The following HIVEP1 variants were observed in gnomAD, a reference collection of about 807,000 sequenced individuals.
HIVEP1 encodes HIVEP zinc finger 1, also known as zinc finger protein 40.
In HIVEP1, 36 loss-of-function variants were observed where a neutral mutation model predicts 180.0. That is an observed-to-expected ratio of 0.20 (90% CI 0.15 to 0.26). The LOEUF (loss-of-function observed/expected upper bound fraction) is 0.26, where lower values mean the gene tolerates loss of function less well. Among genes scored for constraint, HIVEP1 ranks in the 10% least tolerant of loss-of-function variants. The probability of loss-of-function intolerance (pLI) is 1.00; values close to 1 mark genes in which losing one functional copy is unlikely to be tolerated. For synonymous variants in HIVEP1, 1,239 were observed against 1,239.0 expected (o/e 1.00, Z 0.00); for missense variants, 3,143 against 3,268.7 (o/e 0.96, Z 0.94).
the HIVEP1 span, among the ~76,000 whole-genome samples, chr6:12,207,843 G>A: frequency 6.6e-6 from 1 of 150,774 alleles, no homozygotes; most frequent in African/African-American, 2.4e-5. Flanking sequence ...TGAGCCCCAG[G>A]GGGTCAAGGC....
At chr6:12,143,288 A>T (rs929178671) in intron 7 of HIVEP1, among the ~76,000 whole-genome samples, 1 of 152,250 alleles carries the variant, frequency 6.6e-6, no homozygotes, top group African/African-American at 2.4e-5. Context: ...CAAAAACCAC[A>T]TGATTATCTC....
downstream of HIVEP1, among the ~76,000 whole-genome samples, chr6:12,168,203 C>CATAT (rs374732967): frequency 0.045 from 4,432 of 98,228 alleles, 422 homozygotes; most frequent in South Asian, 0.12. Flanking sequence ...TGTATATATA[C>CATAT]ATATATACAT....
chr6:12,110,715 C>CT (rs1774833874), intron 3 of HIVEP1, among the ~76,000 whole-genome samples: 1 of 152,208 alleles, frequency 6.6e-6, no homozygotes, highest in Non-Finnish European at 1.5e-5. Flanking sequence ...GACTGTTGTG[C>CT]TTTTTTGTCG....
intron 7 of HIVEP1, among the ~76,000 whole-genome samples, chr6:12,159,373 T>A (rs1760261405): frequency 6.6e-6 from 1 of 150,956 alleles, no homozygotes. Flanking sequence ...AAATTTTACT[T>A]CTTTAAAGAA....
chr6:12,048,934 G>A (rs1027579808), intron 2 of HIVEP1, among the ~76,000 whole-genome samples: 1 of 152,124 alleles, frequency 6.6e-6, no homozygotes, highest in African/African-American at 2.4e-5. Flanking sequence ...GCTGCTTAAT[G>A]CATTTTAATA....
the HIVEP1 span, among the ~76,000 whole-genome samples, chr6:12,184,685 T>C: frequency 6.6e-6 from 1 of 152,218 alleles, no homozygotes; most frequent in African/African-American, 2.4e-5. Context: ...ATGCATTTCC[T>C]GTTTCTCTGA....
chr6:12,183,975 AGAT>A, the HIVEP1 span, among the ~76,000 whole-genome samples: 1 of 56,178 alleles, frequency 1.8e-5, no homozygotes, highest in Non-Finnish European at 3.9e-5. Flanking sequence ...CACATTGTAA[AGAT>A]AGATAGATAG....
the HIVEP1 span, among the ~76,000 whole-genome samples, chr6:12,179,280 A>G: frequency 1.0e-3 from 154 of 152,280 alleles, no homozygotes; most frequent in African/African-American, 3.4e-3. Context: ...GAGGAAGGTG[A>G]TAATGGAGCA....
At position 12,056,724 on chromosome 6, in the gene HIVEP1, C is replaced by T. The variant is rs59503706; in HGVS notation, c.41-32460C>T. Among the ~76,000 whole-genome samples the T allele has an allele frequency of 8.3e-3, 1,258 of 152,212 alleles. 18 individuals are homozygous for T. The highest frequency in any genetic ancestry group is 0.026 in the African/African-American group (1,088 of 41,518). On this transcript the variant is annotated intron_variant, in intron 2 of 8. Transcript: ENST00000379388. ...AAACGCGACTTTAATGGCAATGCTT[C>T]TGGTAGTTCACAGTTAAATACAAGT...
At chr6:12,108,963 CTTTT>C (rs1265787872) in intron 3 of HIVEP1, among the ~76,000 whole-genome samples, 8 of 152,114 alleles carry the variant, frequency 5.3e-5, no homozygotes, top group Admixed American at 3.3e-4. Flanking sequence ...ATTGCCATTT[CTTTT>C]TATTTTTTAT....
chr6:12,159,389 G>A (rs1421487085), intron 7 of HIVEP1, among the ~76,000 whole-genome samples: 5 of 143,462 alleles, frequency 3.5e-5, no homozygotes, highest in South Asian at 2.2e-4. Context: ...AAGAAGATGC[G>A]TCTCCAAAAA....
rs573970756 is a variant in HIVEP1, at chr6:12,074,643, T to TGTGTGTGCGC, written c.41-14540_41-14539insTGTGTGCGCG. Among the ~76,000 whole-genome samples, 11 of 148,148 alleles carry TGTGTGTGCGC rather than the reference T, an allele frequency of 7.4e-5. 1 individual carries two copies. Among genetic ancestry groups the TGTGTGTGCGC allele is most frequent in the African/African-American group, 2.6e-4 (10 of 39,128 alleles). ...AAGTGTGTGTGTGTGTGTGTGTGTG[T>TGTGTGTGCGC]GCGCGCGCGTGCATGTCCTTGTCTC... On this transcript the variant is annotated intron_variant, in intron 2 of 8. Coordinates refer to ENST00000379388, the MANE Select transcript of HIVEP1 (RefSeq NM_002114.4).
At chr6:12,115,363 T>C (rs2113479912) in intron 3 of HIVEP1, among the ~76,000 whole-genome samples, 1 of 147,382 alleles carries the variant, frequency 6.8e-6, no homozygotes, top group African/African-American at 2.5e-5. Context: ...TTTTTTTTTT[T>C]TTTTTTTTTT....
chr6:12,148,601 A>G, intron 7 of HIVEP1, among the ~76,000 whole-genome samples: 1 of 152,134 alleles, frequency 6.6e-6, no homozygotes. Context: ...AATCTAACAT[A>G]ATTCGAATAT....
chr6:12,163,122 T>G (rs879564684), intron 8 of HIVEP1, among the ~76,000 whole-genome samples, 161 bp from the exon 9 acceptor site: 2 of 152,226 alleles, frequency 1.3e-5, no homozygotes, highest in African/African-American at 2.4e-5. Flanking sequence ...AAGCTTATTT[T>G]TAAAAATCGA....
intron 7 of HIVEP1, among the ~76,000 whole-genome samples, chr6:12,136,556 C>A (rs1318186923): frequency 6.6e-6 from 1 of 152,226 alleles, no homozygotes; most frequent in African/African-American, 2.4e-5. Context: ...TTCACGCACT[C>A]ACCTGAGCTC....
At chr6:12,166,305 G>C (rs1760698746), downstream of HIVEP1, among the ~76,000 whole-genome samples, 1 of 152,108 alleles carries the variant, frequency 6.6e-6, no homozygotes, top group African/African-American at 2.4e-5. Context: ...TTTTAGCATT[G>C]AGGTTTTTTA....
the HIVEP1 span, among the ~76,000 whole-genome samples, chr6:12,181,907 T>A: frequency 2.6e-4 from 40 of 152,278 alleles, no homozygotes; most frequent in South Asian, 7.9e-3. Context: ...CATTTTGTGG[T>A]ACAAATAAGA....
At chr6:12,106,603 AATAG>A (rs1336754231) in intron 3 of HIVEP1, among the ~76,000 whole-genome samples, 2 of 152,172 alleles carry the variant, frequency 1.3e-5, no homozygotes, top group Non-Finnish European at 2.9e-5. Context: ...TGTTAGGTAT[AATAG>A]ATTGTCAGTG....
Sources: gnomAD v4.1 joint callset for allele counts (sites outside exome capture counted in the v4.1 genomes callset) on GRCh38, gnomAD v4.1.1 for gene constraint, MANE v1.5 for transcripts, NCBI Gene and HGNC (gene_info 2026-07-23, HGNC 2026-07-21) for gene names.